The following BICDL1 variants were observed in gnomAD, a reference collection of about 807,000 sequenced individuals.
BICDL1 encodes the protein BICD family-like cargo adapter 1.
Under a neutral mutation model 76.8 loss-of-function variants are expected in BICDL1, and 20 were observed. The observed-to-expected ratio is 0.26, with a 90% CI of 0.18 to 0.38. The LOEUF (loss-of-function observed/expected upper bound fraction) is 0.38, where lower values mean the gene tolerates loss of function less well. Among genes scored for constraint, BICDL1 ranks in the 10% least tolerant of loss-of-function variants. BICDL1 has a pLI of 1.00. For missense variants in BICDL1, 700 were observed against 798.6 expected, an observed-to-expected ratio of 0.88 and a Z score of 1.49; for synonymous variants, 383 against 337.1, an observed-to-expected ratio of 1.14 and a Z score of -1.49.
chr12:120,027,027 C>CTTTT (rs10606114), intron 2 of BICDL1, among the ~76,000 whole-genome samples: 11 of 118,078 alleles, frequency 9.3e-5, no homozygotes, highest in Non-Finnish European at 1.0e-4. Context: ...GATGTAATTT[C>CTTTT]TTTTTTTTTT....
intron 2 of BICDL1, chr12:119,999,703 T>A: frequency 2.5e-6 from 1 of 393,174 alleles, no homozygotes; most frequent in East Asian, 7.6e-5. Flanking sequence ...AGAACATACC[T>A]TTTAAACAAA....
At chr12:120,023,845 A>G (rs1341366857) in intron 2 of BICDL1, among the ~76,000 whole-genome samples, 1 of 152,088 alleles carries the variant, frequency 6.6e-6, no homozygotes, top group Non-Finnish European at 1.5e-5. Flanking sequence ...GCAGGAAAAT[A>G]TGGTCTGTAA....
intron 2 of BICDL1, among the ~76,000 whole-genome samples, chr12:120,002,919 G>A (rs1360915852): frequency 6.6e-6 from 1 of 152,204 alleles, no homozygotes; most frequent in Non-Finnish European, 1.5e-5. Flanking sequence ...CACTTTGAGA[G>A]GCTAAGGCGG....
At chr12:120,016,959 C>T (rs1306754121) in intron 2 of BICDL1, among the ~76,000 whole-genome samples, 7 of 152,210 alleles carry the variant, frequency 4.6e-5, no homozygotes, top group Admixed American at 1.3e-4. Context: ...GTGGCACGAT[C>T]TCGGCTCACT....
intron 2 of BICDL1, among the ~76,000 whole-genome samples, chr12:120,026,545 G>T (rs969901863): frequency 1.3e-5 from 2 of 152,178 alleles, no homozygotes; most frequent in Non-Finnish European, 2.9e-5. Context: ...ACCAACAGGA[G>T]CTAATCACTC....
At chr12:120,088,797 G>T (rs1874668750) in intron 8 of BICDL1, among the ~76,000 whole-genome samples, 1 of 152,178 alleles carries the variant, frequency 6.6e-6, no homozygotes, top group Non-Finnish European at 1.5e-5. Flanking sequence ...CTCGCCAGTA[G>T]CTGGGACTAC....
chr12:120,091,656 A>G (rs1418736700), intron 9 of BICDL1: 1 of 985,078 alleles, frequency 1.0e-6, no homozygotes, highest in Non-Finnish European at 1.2e-6. Context: ...GGTTGAGAGA[A>G]TAGGGAGGCT....
At chr12:120,019,884 T>C (rs11064995) in intron 2 of BICDL1, among the ~76,000 whole-genome samples, 13,104 of 152,244 alleles carry the variant, frequency 0.086, 683 homozygotes, top group African/African-American at 0.14. Context: ...TCAGTAATTA[T>C]AGCAAGTATG....
At chr12:119,998,412 T>G in intron 1 of BICDL1, 109 bp from the exon 2 acceptor site, 1 of 877,194 alleles carries the variant, frequency 1.1e-6, no homozygotes, top group Non-Finnish European at 1.7e-6. Context: ...GTAGGGTGTT[T>G]TATTGTGTCT....
At chr12:120,092,960 C>T (rs1201117934) in intron 9 of BICDL1, 40 bp from the exon 10 acceptor site, 17 of 1,508,758 alleles carry the variant, frequency 1.1e-5, no homozygotes, top group Non-Finnish European at 1.4e-5. Context: ...TAGGTGAGAG[C>T]AGCTACTCAG....
rs1218545258 is a variant in BICDL1 at position 120,093,278 on chromosome 12, G to GC, written c.*121dup. On this transcript the variant is annotated 3_prime_UTR_variant, in exon 10 of 10. Transcript: ENST00000548673. ...CAGCTGCCCTGCCCCTCATGCTAGG[G>GC]CCCCATGGGTCCGGGAGGGCCTGCT... is the stretch of plus-strand genomic sequence containing the variant. 26 of 1,237,414 alleles carry GC rather than the reference G, an allele frequency of 2.1e-5. No individual in the cohort carries two copies. The highest frequency in any genetic ancestry group is 2.5e-5 in the Non-Finnish European group (22 of 879,902). 76.7% of individuals were successfully genotyped at this position (1,237,414 alleles called of 1,614,324 possible).
chr12:119,993,588 C>G (rs1360141543), intron 1 of BICDL1, among the ~76,000 whole-genome samples: 1 of 151,012 alleles, frequency 6.6e-6, no homozygotes, highest in Non-Finnish European at 1.5e-5. Flanking sequence ...TTTTGTTACT[C>G]ATTCACTGAA....
intron 2 of BICDL1, among the ~76,000 whole-genome samples, chr12:120,054,865 G>A (rs572789881): frequency 2.3e-4 from 35 of 152,222 alleles, no homozygotes; most frequent in Non-Finnish European, 4.1e-4. Flanking sequence ...TGGCAGCAGA[G>A]CAAGACTTCA....
Position 120,091,830 on chromosome 12 carries a change from GC to G in BICDL1, c.1705-1167del, listed in dbSNP as rs961502099. 3 of 985,244 alleles carry G rather than the reference GC, an allele frequency of 3.0e-6. No homozygotes were observed. In the African/African-American group the frequency reaches 5.2e-5, roughly 17 times the overall value. 61.0% of individuals were successfully genotyped at this position (985,244 alleles called of 1,614,324 possible). A position where few individuals can be genotyped will look rare whatever the true frequency, so the allele number is the denominator to read the frequency against. On this transcript the variant is annotated intron_variant, in intron 9 of 9. Transcript: ENST00000548673. ...GTGGACAAGCTGCTCAGATGGAGGG[GC>G]CCAGCCAGCCCAACTTCATGCCCTC...
intron 2 of BICDL1, among the ~76,000 whole-genome samples, chr12:120,008,037 A>G (rs1951881506): frequency 6.6e-6 from 1 of 152,202 alleles, no homozygotes; most frequent in East Asian, 1.9e-4. Flanking sequence ...TTATGAAAAC[A>G]AGATAATTTC....
intron 2 of BICDL1, among the ~76,000 whole-genome samples, chr12:120,045,601 G>T (rs2138827712): frequency 6.6e-6 from 1 of 151,964 alleles, no homozygotes; most frequent in African/African-American, 2.4e-5. Flanking sequence ...AAAAAATGAT[G>T]AGTTCATGTC....
At chr12:120,051,314 G>A (rs74374182) in intron 2 of BICDL1, among the ~76,000 whole-genome samples, 52,660 of 152,028 alleles carry the variant, frequency 0.35, 12,174 homozygotes, top group African/African-American at 0.66. Flanking sequence ...CCAAAGTGCT[G>A]GGATTACAGG....
chr12:120,031,203 C>CTTTT (rs140797711), intron 2 of BICDL1, among the ~76,000 whole-genome samples: 2 of 130,860 alleles, frequency 1.5e-5, no homozygotes, highest in African/African-American at 6.0e-5. Context: ...TAACATGTTC[C>CTTTT]TTTTTTTTTT....
intron 8 of BICDL1, among the ~76,000 whole-genome samples, chr12:120,088,416 G>T (rs551183814): frequency 8.5e-5 from 13 of 152,152 alleles, no homozygotes; most frequent in African/African-American, 3.1e-4. Context: ...GAGTGCAGTG[G>T]CACAATCTGG....
Sources: gnomAD v4.1 joint callset for allele counts (sites outside exome capture counted in the v4.1 genomes callset) on GRCh38, gnomAD v4.1.1 for gene constraint, MANE v1.5 for transcripts, NCBI Gene and HGNC (gene_info 2026-07-23, HGNC 2026-07-21) for gene names.